Variants in DISC1 observed in about 807,000 individuals in gnomAD.
DISC1 encodes DISC1 scaffold protein.
DISC1 carries 57 observed loss-of-function variants against 84.5 expected under a neutral mutation model. That is an observed-to-expected ratio of 0.67 (90% CI 0.55 to 0.84). The LOEUF is 0.84. Among genes scored for constraint, DISC1 ranks in the 40% least tolerant of loss-of-function variants. The probability of loss-of-function intolerance (pLI) is 0.00; values close to 1 mark genes in which losing one functional copy is unlikely to be tolerated. For synonymous variants in DISC1, 411 were observed against 415.2 expected, an observed-to-expected ratio of 0.99 and a Z score of 0.12; for missense variants, 1,000 against 1,057.8, an observed-to-expected ratio of 0.95 and a Z score of 0.76.
chr1:231,775,987 T>A (rs557971266), intron 6 of DISC1, among the ~76,000 whole-genome samples: 24 of 152,114 alleles, frequency 1.6e-4, no homozygotes, highest in African/African-American at 5.5e-4. Context: ...TGTCCAAGAT[T>A]TTCTGTGGAT....
In DISC1 at chr1:231,650,467, C is replaced by T. The variant is rs558898099; in HGVS notation, c.67+23533C>T. Among the ~76,000 whole-genome samples the T allele has an allele frequency of 3.9e-5, 6 of 152,302 alleles. No homozygotes were observed. In the South Asian group the frequency reaches 6.2e-4, roughly 16 times the overall value. On this transcript the variant is annotated intron_variant, in intron 1 of 12. Transcript: ENST00000439617. Reference sequence around the variant, plus strand: ...ATCAGACTTCCCTTTGTGGGTAACCCGACCTTTCTCTCTGGCTGCACTTAA... The same window carrying T: ...ATCAGACTTCCCTTTGTGGGTAACCTGACCTTTCTCTCTGGCTGCACTTAA...
chr1:231,681,901 T>C (rs2063736082), intron 1 of DISC1, among the ~76,000 whole-genome samples: 2 of 152,274 alleles, frequency 1.3e-5, no homozygotes, highest in South Asian at 2.1e-4. Context: ...GGTTTCACCA[T>C]GTTGGCCAGG....
chr1:231,864,397 C>T (rs1201147961), intron 9 of DISC1, among the ~76,000 whole-genome samples: 1 of 152,152 alleles, frequency 6.6e-6, no homozygotes, highest in African/African-American at 2.4e-5. Flanking sequence ...GGCGCAGTGG[C>T]TCACGCCTGT....
chr1:231,911,540 T>C (rs2089206072), intron 9 of DISC1, among the ~76,000 whole-genome samples: 1 of 152,234 alleles, frequency 6.6e-6, no homozygotes, highest in South Asian at 2.1e-4. Flanking sequence ...TGTCGAACGA[T>C]CCACTGTTAG....
At chr1:231,762,120 T>C (rs948253395) in intron 4 of DISC1, among the ~76,000 whole-genome samples, 1 of 151,640 alleles carries the variant, frequency 6.6e-6, no homozygotes, top group Non-Finnish European at 1.5e-5. Flanking sequence ...TCCTTTCTTT[T>C]CTTTTTTCTT....
rs2058591828 is a variant in DISC1, at chr1:231,630,120, A to AG, written c.67+3189dup. Among the ~76,000 whole-genome samples the AG allele has an allele frequency of 6.6e-6, 1 of 152,008 alleles. No individual in the cohort carries two copies. The highest frequency in any genetic ancestry group is 2.4e-5 in the African/African-American group (1 of 41,392). On this transcript the variant is annotated intron_variant, in intron 1 of 12. Coordinates refer to ENST00000439617, the MANE Select transcript of DISC1 (RefSeq NM_018662.3). This position sits in a 1 kb window ranked among gnomAD's most constrained non-coding sequence, Gnocchi z 4.4. ...TAATTTTTGTATTTTTAATACAGAC[A>AG]GGGTTTCACCATGTTGATCAGCATG... is the stretch of plus-strand genomic sequence containing the variant.
chr1:231,686,774 T>G (rs2064332820), intron 1 of DISC1, among the ~76,000 whole-genome samples: 1 of 152,180 alleles, frequency 6.6e-6, no homozygotes, highest in Non-Finnish European at 1.5e-5. Flanking sequence ...ATGCTGCAAA[T>G]TTTCTGAACT....
intron 9 of DISC1, among the ~76,000 whole-genome samples, chr1:231,935,529 T>G (rs890212897): frequency 2.6e-5 from 4 of 152,184 alleles, no homozygotes; most frequent in Non-Finnish European, 5.9e-5. Context: ...TGTAAACCCT[T>G]TGATGAGGAA....
chr1:231,910,710 G>A (rs186943854), intron 9 of DISC1, among the ~76,000 whole-genome samples: 1 of 152,274 alleles, frequency 6.6e-6, no homozygotes, highest in Admixed American at 6.5e-5. Context: ...GTGGAGCTGA[G>A]TTTAAGTCCT....
In DISC1 at chr1:232,019,680, G is replaced by A. The variant is rs1668774543; in HGVS notation, c.2308-6755G>A. On this transcript the variant is annotated intron_variant, in intron 11 of 12. Transcript: ENST00000439617. Reference sequence around the variant, plus strand: ...GACATGGTTCAGAATATGTTTATTTGGAATCCGCTGAGGTGATGGGAGAGA... The same window carrying A: ...GACATGGTTCAGAATATGTTTATTTAGAATCCGCTGAGGTGATGGGAGAGA... 2.0e-5 allele frequency among the ~76,000 whole-genome samples: 3 copies of A among 152,116 alleles called. No homozygotes were observed. In the South Asian group the frequency reaches 6.2e-4, roughly 32 times the overall value.
At chr1:231,945,487 C>T (rs892764328) in intron 9 of DISC1, among the ~76,000 whole-genome samples, 8 of 152,156 alleles carry the variant, frequency 5.3e-5, no homozygotes, top group African/African-American at 1.7e-4. Flanking sequence ...ATTTATAGCA[C>T]TAAATGTCCA....
At chr1:231,841,012 T>C (rs2083013294) in intron 9 of DISC1, among the ~76,000 whole-genome samples, 1 of 152,214 alleles carries the variant, frequency 6.6e-6, no homozygotes, top group African/African-American at 2.4e-5. Context: ...ATGTTATTAT[T>C]ACAGGTCGAA....
At chr1:231,649,867 C>A (rs983546024) in intron 1 of DISC1, among the ~76,000 whole-genome samples, 7 of 151,532 alleles carry the variant, frequency 4.6e-5, no homozygotes, top group Non-Finnish European at 8.8e-5. Flanking sequence ...TTATCAGAGA[C>A]CAGGATTGCA....
intron 4 of DISC1, among the ~76,000 whole-genome samples, chr1:231,761,213 G>A (rs567397515): frequency 1.3e-5 from 2 of 152,158 alleles, no homozygotes; most frequent in Non-Finnish European, 2.9e-5. Flanking sequence ...ACTGAGTGCT[G>A]TTCTAACATT....
intron 1 of DISC1, among the ~76,000 whole-genome samples, chr1:231,689,662 C>T (rs992184059): frequency 1.3e-5 from 2 of 152,120 alleles, no homozygotes; most frequent in African/African-American, 2.4e-5. Flanking sequence ...TCTTAAACTG[C>T]ATGTTTAAGA....
intron 9 of DISC1, among the ~76,000 whole-genome samples, chr1:231,912,742 CTTCTTTCTTTCTTTCT>C (rs72513675): frequency 0.064 from 8,482 of 132,430 alleles, 301 homozygotes; most frequent in African/African-American, 0.098. Flanking sequence ...GCAGCTTGCT[CTTCTTTCTTTCTTTCT>C]TTCTTTCTTT....
intron 3 of DISC1, among the ~76,000 whole-genome samples, chr1:231,731,668 C>T (rs1028071727): frequency 1.3e-5 from 2 of 152,134 alleles, no homozygotes; most frequent in African/African-American, 4.8e-5. Flanking sequence ...GTGAATTTTG[C>T]AAAAGTTTCC....
chr1:232,009,251 C>A lies in DISC1; in HGVS notation c.2307+202C>A. 1 of 1,381,426 alleles carries A rather than the reference C, an allele frequency of 7.2e-7. No homozygotes were observed. The highest frequency in any genetic ancestry group is 9.3e-7 in the Non-Finnish European group (1 of 1,069,678). 85.6% of individuals were successfully genotyped at this position (1,381,426 alleles called of 1,614,324 possible). A position where few individuals can be genotyped will look rare whatever the true frequency, so the allele number is the denominator to read the frequency against. On this transcript the variant is annotated intron_variant, in intron 11 of 12. Coordinates refer to ENST00000439617, the MANE Select transcript of DISC1 (RefSeq NM_018662.3). The surrounding 1 kb of genome is among the most constrained non-coding windows in gnomAD (Gnocchi z 4.6). ...TTTGAAATATAGAAGAGCAAAAAAA[C>A]CCAACTTTTGGCATATTTAGTTCCA... is the stretch of plus-strand genomic sequence containing the variant.
chr1:232,026,678 G>A (rs1001428266), intron 12 of DISC1, 126 bp downstream of exon 12: 3 of 699,124 alleles, frequency 4.3e-6, no homozygotes, highest in Non-Finnish European at 5.1e-6. Context: ...ATAGCACAGA[G>A]CACCTCAGAT....
Sources: gnomAD v4.1 joint callset for allele counts (sites outside exome capture counted in the v4.1 genomes callset) on GRCh38, gnomAD v4.1.1 for gene constraint, Gnocchi (gnomAD v3.1) non-coding constraint, MANE v1.5 for transcripts, NCBI Gene and HGNC (gene_info 2026-07-23, HGNC 2026-07-21) for gene names.